Variants in SLC1A7 observed in about 807,000 individuals in gnomAD.
SLC1A7 encodes the protein solute carrier family 1 member 7, also known as excitatory amino acid transporter 5.
SLC1A7 carries 40 observed loss-of-function variants against 47.7 expected under a neutral mutation model. The ratio of observed to expected loss-of-function variants is 0.84; its 90% CI spans 0.65 to 1.09. The LOEUF is 1.09. Ranked by LOEUF, SLC1A7 falls within the 50% of genes least tolerant of loss-of-function variation. The pLI is 0.00. For synonymous variants in SLC1A7, 323 were observed against 325.6 expected, an observed-to-expected ratio of 0.99 and a Z score of 0.09; for missense variants, 746 against 769.5, an observed-to-expected ratio of 0.97 and a Z score of 0.36.
chr1:53,132,500 AAACAG>A (rs1644951734), intron 2 of SLC1A7, among the ~76,000 whole-genome samples: 1 of 152,128 alleles, frequency 6.6e-6, no homozygotes, highest in Non-Finnish European at 1.5e-5. Flanking sequence ...GACAAGAAGA[AAACAG>A]GAAAAGGAGG....
At chr1:53,140,406 T>G (rs1340756160) in intron 1 of SLC1A7, among the ~76,000 whole-genome samples, 1 of 152,150 alleles carries the variant, frequency 6.6e-6, no homozygotes, top group Non-Finnish European at 1.5e-5. Context: ...GCCAGTTTAA[T>G]GCAGCAGATA....
At chr1:53,112,777 G>A (rs1644713665) in intron 3 of SLC1A7, among the ~76,000 whole-genome samples, 1 of 152,212 alleles carries the variant, frequency 6.6e-6, no homozygotes, top group Non-Finnish European at 1.5e-5. Context: ...CCCAGCAGAG[G>A]AGTCAACCAG....
intron 2 of SLC1A7, among the ~76,000 whole-genome samples, chr1:53,118,860 G>A (rs1210020329): frequency 6.6e-6 from 1 of 152,122 alleles, no homozygotes; most frequent in Admixed American, 6.6e-5. Flanking sequence ...AGCCAGGTGT[G>A]GTGGCGCATG....
intron 1 of SLC1A7, among the ~76,000 whole-genome samples, chr1:53,139,928 A>T (rs1005643746): frequency 4.6e-5 from 7 of 152,234 alleles, no homozygotes; most frequent in Non-Finnish European, 1.0e-4. Flanking sequence ...CAGTATTTTT[A>T]AATGAGACAC....
Position 53,121,309 on chromosome 1 carries a change from A to G in SLC1A7, c.216-6336T>C, listed in dbSNP as rs778373794. ...GCCCAGGTGACTGAGCAGCCATTGA[A>G]GGTTTCCTGAGAACAGATCACCAGT... On this transcript the variant is annotated intron_variant, in intron 2 of 10. Coordinates refer to ENST00000371494, the MANE Select transcript of SLC1A7 (RefSeq NM_006671.6). Among the ~76,000 whole-genome samples the G allele has an allele frequency of 3.6e-4, 55 of 152,158 alleles. 1 individual carries two copies. The highest frequency in any genetic ancestry group is 3.4e-4 in the Non-Finnish European group (23 of 68,028).
intron 3 of SLC1A7, among the ~76,000 whole-genome samples, chr1:53,110,536 T>A (rs1418308911): frequency 6.6e-5 from 10 of 152,090 alleles, no homozygotes; most frequent in Admixed American, 6.6e-4. Context: ...TCTGGAACAT[T>A]TGACTGTGGC....
chr1:53,088,379 G>A (rs1474384723), intron 10 of SLC1A7, 152 bp from the exon 11 acceptor site: 7 of 602,220 alleles, frequency 1.2e-5, no homozygotes, highest in South Asian at 2.6e-5. Flanking sequence ...GGCAGGTCAC[G>A]GCCTCCCTGG....
chr1:53,103,488 G>A lies in SLC1A7; in HGVS notation c.555C>T (p.Tyr185=), dbSNP rs757701467. The change falls in exon 5 of 11, where the codon TAC becomes TAT. Residue 185 remains tyrosine (Y), a synonymous_variant. Coordinates refer to ENST00000371494, the MANE Select transcript of SLC1A7 (RefSeq NM_006671.6). ...GGGAGCCATTCTCCTCCTGGACCCC[G>A]TAGATGAGGATCCGCCGAGGAGGGG... ...EEAPPRRILI[Y]GVQEENGSHV... is the part of the protein sequence containing the mutation. The A allele has an allele frequency of 1.1e-5, 18 of 1,613,032 alleles. No homozygotes were observed. The highest frequency in any genetic ancestry group is 1.7e-5 in the Admixed American group (1 of 59,914).
intron 3 of SLC1A7, among the ~76,000 whole-genome samples, chr1:53,106,588 A>C (rs1281352473): frequency 7.7e-6 from 1 of 130,668 alleles, no homozygotes; most frequent in African/African-American, 2.8e-5. Flanking sequence ...CGGCAGAGCA[A>C]GACACCGTCT....
intron 5 of SLC1A7, chr1:53,102,115 G>A (rs774307471): frequency 2.0e-5 from 3 of 152,290 alleles, no homozygotes; most frequent in Non-Finnish European, 4.4e-5. Context: ...GGGACTGCTT[G>A]TCAGATGTGC....
chr1:53,103,823 C>A (rs1572317585), intron 4 of SLC1A7, among the ~76,000 whole-genome samples: 1 of 152,040 alleles, frequency 6.6e-6, no homozygotes, highest in South Asian at 2.1e-4. Flanking sequence ...ACTTCTATAC[C>A]TCATCACCCC....
Position 53,114,968 on chromosome 1 carries a change from A to G in SLC1A7, c.221T>C (p.Met74Thr), listed in dbSNP as rs1644742015. The stretch of plus-strand genomic sequence containing the variant: ...GGCATCCAGGGAGGCAAGTCCGGAC[A>G]TCAAGCTGGGAGGGCGAGGGGGTCA... The part of the protein sequence containing the change: ...MILPLVVSSL[M>T]SGLASLDAKT... The change falls in exon 3 of 11, where the codon ATG becomes ACG. Residue 74 changes from methionine to threonine, a missense_variant. By Grantham distance (81) the Met-to-Thr change is moderately conservative (BLOSUM62 -1). Transcript: ENST00000371494. 1.9e-6 allele frequency: 3 copies of G among 1,613,680 alleles called. No homozygotes were observed. The highest frequency in any genetic ancestry group is 2.5e-6 in the Non-Finnish European group (3 of 1,179,932).
chr1:53,087,723 C>T lies in SLC1A7; in HGVS notation c.*286G>A, dbSNP rs959393624. 6.7e-5 allele frequency: 19 copies of T among 282,688 alleles called. No individual in the cohort carries two copies. The highest frequency in any genetic ancestry group is 1.9e-3 in the Middle Eastern group (2 of 1,038). 17.5% of individuals were successfully genotyped at this position (282,688 alleles called of 1,614,324 possible). On this transcript the variant is annotated 3_prime_UTR_variant, in exon 11 of 11. Coordinates refer to ENST00000371494, the MANE Select transcript of SLC1A7 (RefSeq NM_006671.6). ...AAGTCTGTCATCCAGAAAGTGGGGC[C>T]GGATAACCCCTGCCTGCCGCCCTCA...
intron 5 of SLC1A7, 30 bp downstream of exon 5, chr1:53,103,316 G>C: frequency 2.6e-6 from 4 of 1,518,542 alleles, no homozygotes; most frequent in South Asian, 1.3e-5. Context: ...CCGGCTCCAC[G>C]GCACTGCTGG....
chr1:53,088,304 G>T, intron 10 of SLC1A7, 77 bp from the exon 11 acceptor site: 1 of 1,212,638 alleles, frequency 8.2e-7, no homozygotes, highest in Admixed American at 2.3e-5. Flanking sequence ...GGGCCAGTGG[G>T]GCAGAATGAG....
chr1:53,136,510 TAAC>T (rs1023527942), intron 1 of SLC1A7, among the ~76,000 whole-genome samples: 116 of 139,860 alleles, frequency 8.3e-4, no homozygotes, highest in African/African-American at 2.8e-3. Context: ...TATTTTTAAT[TAAC>T]TTTAGTCCAT....
rs1006253465 is a variant in SLC1A7 at position 53,103,475 on chromosome 1, C to T, written c.568G>A (p.Glu190Lys). 1.9e-6 allele frequency: 3 copies of T among 1,613,166 alleles called. No individual in the cohort carries two copies. Among genetic ancestry groups the T allele is most frequent in the African/African-American group, 1.3e-5 (1 of 74,896 alleles). ...AAGTTCTGCACATGGGAGCCATTCT[C>T]CTCCTGGACCCCGTAGATGAGGATC... ...RRILIYGVQEENGSHVQNFAL... is the reference protein window; with the variant it reads ...RRILIYGVQEKNGSHVQNFAL... Residue 190 changes from glutamate to lysine, a missense_variant, in exon 5 of 11, where the codon GAG becomes AAG. Glu to Lys is a moderately conservative substitution (Grantham distance 56, BLOSUM62 1). Transcript: ENST00000371494.
rs557800300 is a variant in SLC1A7 at position 53,097,139 on chromosome 1, C to T, written c.698-3579G>A. Among the ~76,000 whole-genome samples the T allele has an allele frequency of 5.3e-3, 782 of 148,902 alleles. 3 individuals are homozygous for T. The highest frequency in any genetic ancestry group is 9.4e-3 in the Non-Finnish European group (632 of 67,330). ...CCCGCCTCAGTACACCTACACGCCC[C>T]GCCTTGGTAGACTCACATGCCCCAC... is the stretch of plus-strand genomic sequence containing the variant. On this transcript the variant is annotated intron_variant, in intron 5 of 10. Coordinates refer to ENST00000371494, the MANE Select transcript of SLC1A7 (RefSeq NM_006671.6).
At chr1:53,090,118 A>AT in intron 8 of SLC1A7, 184 bp from the exon 9 acceptor site, 1 of 643,914 alleles carries the variant, frequency 1.6e-6, no homozygotes. Context: ...CTGAAGCCCC[A>AT]TGGACCCCCA....
Sources: gnomAD v4.1 joint callset for allele counts (sites outside exome capture counted in the v4.1 genomes callset) on GRCh38, gnomAD v4.1.1 for gene constraint, MANE v1.5 for transcripts, NCBI Gene and HGNC (gene_info 2026-07-23, HGNC 2026-07-21) for gene names.